Variants in PTK2 observed in about 807,000 individuals in gnomAD.
The protein encoded by PTK2 is focal adhesion kinase 1.
PTK2 carries 45 observed loss-of-function variants against 150.1 expected under a neutral mutation model. The ratio of observed to expected loss-of-function variants is 0.30; its 90% CI spans 0.24 to 0.38. PTK2 has a LOEUF of 0.38. Among genes scored for constraint, PTK2 ranks in the 10% least tolerant of loss-of-function variants. The pLI is 1.00. For missense variants in PTK2, 919 were observed against 1,307.3 expected (o/e 0.70, Z 4.58); for synonymous variants, 432 against 449.2 (o/e 0.96, Z 0.48).
chr8:140,954,800 C>A (rs981148776), intron 1 of PTK2: 2 of 152,120 alleles, frequency 1.3e-5, no homozygotes, highest in African/African-American at 4.8e-5. Context: ...AAAAATACTT[C>A]TAATTTCTCT....
At chr8:140,775,480 G>A (rs1454093085) in intron 14 of PTK2, among the ~76,000 whole-genome samples, 1 of 151,796 alleles carries the variant, frequency 6.6e-6, no homozygotes, top group Non-Finnish European at 1.5e-5. Flanking sequence ...GTGAGACCCT[G>A]CCTTAAAAAA....
intron 12 of PTK2, among the ~76,000 whole-genome samples, chr8:140,800,097 T>C (rs961565013): frequency 6.6e-6 from 1 of 152,214 alleles, no homozygotes; most frequent in African/African-American, 2.4e-5. Flanking sequence ...GGACACTTTA[T>C]TTATAGTGAG....
intron 1 of PTK2, among the ~76,000 whole-genome samples, chr8:140,978,976 G>A (rs1374119061): frequency 6.6e-6 from 1 of 151,690 alleles, no homozygotes; most frequent in Non-Finnish European, 1.5e-5. Context: ...GGATGAAGCT[G>A]GAAACCATCA....
intron 5 of PTK2, among the ~76,000 whole-genome samples, chr8:140,852,921 G>A (rs771651042): frequency 2.6e-5 from 4 of 152,188 alleles, no homozygotes; most frequent in Non-Finnish European, 5.9e-5. Context: ...GAAATGTTCT[G>A]TCTGATAAGA....
chr8:140,791,399 A>G (rs1485460600), intron 13 of PTK2, among the ~76,000 whole-genome samples: 1 of 152,128 alleles, frequency 6.6e-6, no homozygotes, highest in East Asian at 1.9e-4. Context: ...CTCTAAATAA[A>G]CATCAGTTCC....
intron 2 of PTK2, chr8:140,920,921 A>G (rs1403268701): frequency 1.3e-6 from 2 of 1,503,822 alleles, no homozygotes; most frequent in African/African-American, 1.4e-5. Context: ...CATACACCCA[A>G]TCCTATAAAG....
chr8:140,892,731 T>C (rs953311668), intron 2 of PTK2: 4 of 325,398 alleles, frequency 1.2e-5, no homozygotes, highest in Admixed American at 9.3e-5. Flanking sequence ...ATATGTACCA[T>C]GTATCACAGT....
chr8:140,898,074 A>G (rs944484297), intron 2 of PTK2, among the ~76,000 whole-genome samples: 1 of 152,196 alleles, frequency 6.6e-6, no homozygotes, highest in Non-Finnish European at 1.5e-5. Flanking sequence ...TCTGTGATGA[A>G]GAACCAGTTT....
At chr8:140,743,387 G>A in intron 19 of PTK2, 57 bp from the exon 23 acceptor site, 1 of 1,410,418 alleles carries the variant, frequency 7.1e-7, no homozygotes, top group Non-Finnish European at 1.0e-6. Context: ...AAACATACAA[G>A]CTCATATATA....
At chr8:140,669,301 G>GTATGTGTATATA (rs547959878) in intron 29 of PTK2, 54 of 97,990 alleles carry the variant, frequency 5.5e-4, no homozygotes, top group African/African-American at 2.4e-3. Context: ...GCATAAAATG[G>GTATGTGTATATA]TATATATATA....
intron 4 of PTK2, among the ~76,000 whole-genome samples, chr8:140,875,518 TCAGAAACTC>T (rs1418340563): frequency 6.6e-6 from 1 of 152,144 alleles, no homozygotes; most frequent in Non-Finnish European, 1.5e-5. Context: ...TGTGAGGTCA[TCAGAAACTC>T]CAGAGTTTGC....
chr8:140,709,285 C>T (rs939761977), intron 23 of PTK2, among the ~76,000 whole-genome samples: 2 of 152,110 alleles, frequency 1.3e-5, no homozygotes, highest in African/African-American at 4.8e-5. Context: ...CACAGTGATG[C>T]AAAGACTTAA....
At chr8:140,660,384 T>C (rs1346807939) in intron 31 of PTK2, among the ~76,000 whole-genome samples, 1 of 152,226 alleles carries the variant, frequency 6.6e-6, no homozygotes, top group African/African-American at 2.4e-5. Flanking sequence ...CTTTCTACTA[T>C]GCCAACTCTA....
chr8:140,674,172 A>T, intron 29 of PTK2, 126 bp downstream of exon 32: 2 of 952,272 alleles, frequency 2.1e-6, no homozygotes, highest in Non-Finnish European at 3.4e-6. Context: ...GTCTCACTGC[A>T]GTTCCACTCT....
At chr8:140,851,553 A>G (rs556820526) in intron 5 of PTK2, among the ~76,000 whole-genome samples, 2 of 152,274 alleles carry the variant, frequency 1.3e-5, no homozygotes, top group Admixed American at 6.5e-5. Context: ...AGTAACCCCA[A>G]ATTTTATTAA....
chr8:140,669,300 G>GGTATGTATATATATATAT (rs1554641495), intron 29 of PTK2: 8 of 39,944 alleles, frequency 2.0e-4, no homozygotes, highest in African/African-American at 1.3e-3. Context: ...AGCATAAAAT[G>GGTATGTATATATATATAT]GTATATATAT....
intron 5 of PTK2, among the ~76,000 whole-genome samples, chr8:140,847,305 AAAGT>A (rs1169740467): frequency 1.3e-5 from 2 of 152,352 alleles, no homozygotes; most frequent in Admixed American, 1.3e-4. Flanking sequence ...ATTAATCTGC[AAAGT>A]AATACAAGCT....
intron 1 of PTK2, among the ~76,000 whole-genome samples, chr8:140,927,975 A>AAAAATATAT: frequency 1.8e-3 from 85 of 48,098 alleles, no homozygotes; most frequent in Non-Finnish European, 2.5e-3. Flanking sequence ...AAAAAAAAAA[A>AAAAATATAT]ATATATATAT....
chr8:140,764,224 G>A lies in PTK2; in HGVS notation c.1234+10C>T. 6.2e-7 allele frequency: 1 copy of A among 1,602,190 alleles called. No homozygotes were observed. The highest frequency in any genetic ancestry group is 1.1e-5 in the South Asian group (1 of 90,700). ...AGTCTGAGCAAGAACAAAATCAGAA[G>A]TTTACTTACTTGAGGGCATGGTGTA... On this transcript the variant is annotated intron_variant, in intron 15 of 31. Coordinates refer to ENST00000522684, the Ensembl canonical transcript of PTK2.
Sources: gnomAD v4.1 joint callset for allele counts (sites outside exome capture counted in the v4.1 genomes callset) on GRCh38, gnomAD v4.1.1 for gene constraint, MANE v1.5 for transcripts, NCBI Gene and HGNC (gene_info 2026-07-23, HGNC 2026-07-21) for gene names.